ST8SIA6: variants seen among roughly 807,000 people sequenced by gnomAD.
ST8SIA6 encodes the protein ST8 alpha-N-acetyl-neuraminide alpha-2,8-sialyltransferase 6, also known as alpha-2,8-sialyltransferase 8F.
ST8SIA6 carries 39 observed loss-of-function variants against 33.6 expected under a neutral mutation model. The ratio of observed to expected loss-of-function variants is 1.16; its 90% CI spans 0.90 to 1.52. The LOEUF (loss-of-function observed/expected upper bound fraction) is 1.52, where lower values mean the gene tolerates loss of function less well. Ranked by LOEUF, ST8SIA6 falls within the 40% of genes most tolerant of loss-of-function variation. The pLI is 0.00. For missense variants in ST8SIA6, 441 were observed against 443.8 expected (o/e 0.99, Z 0.06); for synonymous variants, 172 against 167.2 (o/e 1.03, Z -0.22).
Position 17,448,628 on chromosome 10 carries a change from G to GTTGT in ST8SIA6, c.200+4930_200+4931insACAA, listed in dbSNP as rs371422004. Among the ~76,000 whole-genome samples the GTTGT allele has an allele frequency of 6.1e-3, 919 of 151,504 alleles. 12 individuals carry two copies. Among genetic ancestry groups the GTTGT allele is most frequent in the African/African-American group, 0.021 (881 of 41,164 alleles). The stretch of plus-strand genomic sequence containing the variant: ...TGTTGTTCTTGTTGTTGTTGTTGTT[G>GTTGT]TTTTTGAGACAGAGTCTCGCTCTGT... On this transcript the variant is annotated intron_variant, in intron 2 of 7. Transcript: ENST00000377602.
Position 17,399,996 on chromosome 10 carries a change from A to C in ST8SIA6, c.201-9376T>G, listed in dbSNP as rs528634116. 2.0e-5 allele frequency among the ~76,000 whole-genome samples: 3 copies of C among 152,224 alleles called. No individual in the cohort carries two copies. In the East Asian group the frequency reaches 5.8e-4, roughly 29 times the overall value. On this transcript the variant is annotated intron_variant, in intron 2 of 7. Transcript: ENST00000377602. The stretch of plus-strand genomic sequence containing the variant: ...ATGTGTGAAAGCTTTTATTTTACTC[A>C]TAATGAGGGAAGCAGTTCAAAGGAG...
chr10:17,417,365 T>C (rs912656328), intron 2 of ST8SIA6, among the ~76,000 whole-genome samples: 3 of 152,096 alleles, frequency 2.0e-5, no homozygotes, highest in African/African-American at 7.2e-5. Flanking sequence ...CCCTCCATGA[T>C]CCATTCTTTC....
At position 17,350,649 on chromosome 10, in the gene ST8SIA6, C is replaced by CTT. The variant is rs200376251; in HGVS notation, c.377+8863_377+8864dup. ...ATTAAGAGCTTCAAATAGACACCACCTTTTTTTTTTTTAGCAACACTTCTA... is the reference window on the plus strand; with the variant it reads ...ATTAAGAGCTTCAAATAGACACCACCTTTTTTTTTTTTTTAGCAACACTTCTA... On this transcript the variant is annotated intron_variant, in intron 4 of 7. Transcript: ENST00000377602. Among the ~76,000 whole-genome samples the CTT allele has an allele frequency of 1.5e-4, 22 of 146,620 alleles. No individual in the cohort carries two copies. The South Asian group carries it at 2.0e-3, about 13-fold the overall frequency.
chr10:17,337,029 G>A (rs1848521858), intron 4 of ST8SIA6, among the ~76,000 whole-genome samples: 1 of 152,166 alleles, frequency 6.6e-6, no homozygotes, highest in Non-Finnish European at 1.5e-5. Flanking sequence ...CCGTGTTGGA[G>A]GAGGGGCCCG....
intron 2 of ST8SIA6, among the ~76,000 whole-genome samples, chr10:17,391,472 C>T (rs902861742): frequency 2.0e-5 from 3 of 151,246 alleles, no homozygotes; most frequent in African/African-American, 4.9e-5. Context: ...GCATGTTAGC[C>T]AGGATGGTCT....
chr10:17,419,046 G>T (rs113438844), intron 2 of ST8SIA6, among the ~76,000 whole-genome samples: 2 of 149,024 alleles, frequency 1.3e-5, no homozygotes, highest in African/African-American at 4.9e-5. Context: ...CCAATCTATG[G>T]TTTCCAAAAT....
chr10:17,371,295 G>C (rs1849723748), intron 3 of ST8SIA6, among the ~76,000 whole-genome samples: 1 of 152,148 alleles, frequency 6.6e-6, no homozygotes, highest in Non-Finnish European at 1.5e-5. Flanking sequence ...AGCTCTGACT[G>C]GGCAGAGATA....
chr10:17,416,115 TCTTA>T (rs1564454192), intron 2 of ST8SIA6, among the ~76,000 whole-genome samples: 1 of 152,056 alleles, frequency 6.6e-6, no homozygotes, highest in Non-Finnish European at 1.5e-5. Flanking sequence ...GCCGCACTTA[TCTTA>T]CTTGATCTTT....
At chr10:17,347,795 C>T (rs977376441) in intron 4 of ST8SIA6, among the ~76,000 whole-genome samples, 2 of 151,718 alleles carry the variant, frequency 1.3e-5, no homozygotes, top group South Asian at 2.1e-4. Context: ...ATTAGCCGGG[C>T]GTGGTGGCAC....
chr10:17,364,327 G>T (rs1849491451), intron 3 of ST8SIA6, among the ~76,000 whole-genome samples: 1 of 152,142 alleles, frequency 6.6e-6, no homozygotes. Context: ...TTACTGGTAG[G>T]TTAGCTGAAT....
chr10:17,440,480 A>C (rs1852441859), intron 2 of ST8SIA6, among the ~76,000 whole-genome samples: 1 of 152,158 alleles, frequency 6.6e-6, no homozygotes, highest in Non-Finnish European at 1.5e-5. Context: ...TGCTGGGATT[A>C]CAGGTGTGAG....
At chr10:17,371,129 A>G (rs1263333707) in intron 3 of ST8SIA6, among the ~76,000 whole-genome samples, 2 of 152,220 alleles carry the variant, frequency 1.3e-5, no homozygotes, top group Non-Finnish European at 2.9e-5. Context: ...AGAGGAATCA[A>G]GGATAACTTC....
chr10:17,320,613 C>G lies in ST8SIA6; in HGVS notation c.*265G>C, dbSNP rs138876159. 4.3e-4 allele frequency: 187 copies of G among 439,804 alleles called. No individual in the cohort carries two copies. The East Asian group carries it at 6.3e-3, about 15-fold the overall frequency. 27.2% of individuals were successfully genotyped at this position (439,804 alleles called of 1,614,324 possible). A position where few individuals can be genotyped will look rare whatever the true frequency, so the allele number is the denominator to read the frequency against. On this transcript the variant is annotated 3_prime_UTR_variant, in exon 8 of 8. Coordinates refer to ENST00000377602, the MANE Select transcript of ST8SIA6 (RefSeq NM_001004470.3). ...AGAAATATTCTTTGAGTCCCTACCTCACACCAAAGGCCATGCCAATAATTT... is the reference window on the plus strand; with the variant it reads ...AGAAATATTCTTTGAGTCCCTACCTGACACCAAAGGCCATGCCAATAATTT...
chr10:17,424,619 G>T (rs185163865), intron 2 of ST8SIA6, among the ~76,000 whole-genome samples: 1 of 152,158 alleles, frequency 6.6e-6, no homozygotes, highest in African/African-American at 2.4e-5. Context: ...TCTAATATGA[G>T]ATTTCTTCTC....
intron 3 of ST8SIA6, among the ~76,000 whole-genome samples, chr10:17,389,271 A>G (rs747619077): frequency 2.0e-5 from 3 of 152,224 alleles, no homozygotes; most frequent in Non-Finnish European, 2.9e-5. Context: ...CTCTGCGTGA[A>G]TTACTCTTTC....
chr10:17,364,822 T>G (rs1849506396), intron 3 of ST8SIA6, among the ~76,000 whole-genome samples: 1 of 152,210 alleles, frequency 6.6e-6, no homozygotes, highest in Admixed American at 6.5e-5. Context: ...CACACTTACA[T>G]ATATAATTGA....
At chr10:17,343,334 G>A (rs1441228354) in intron 4 of ST8SIA6, among the ~76,000 whole-genome samples, 1 of 152,176 alleles carries the variant, frequency 6.6e-6, no homozygotes, top group African/African-American at 2.4e-5. Context: ...TCAATAGACG[G>A]TTGTGCAAGC....
chr10:17,377,659 A>C (rs994331633), intron 3 of ST8SIA6, among the ~76,000 whole-genome samples: 2 of 152,194 alleles, frequency 1.3e-5, no homozygotes, highest in Admixed American at 6.5e-5. Flanking sequence ...TATTCAAAAA[A>C]TATAGTTAAG....
Position 17,382,791 on chromosome 10 carries a change from G to A in ST8SIA6, c.290+7740C>T, listed in dbSNP as rs547299724. 3.3e-5 allele frequency among the ~76,000 whole-genome samples: 5 copies of A among 152,308 alleles called. No homozygotes were observed. The East Asian group carries it at 5.8e-4, about 18-fold the overall frequency. ...AAGGCCCAGGGACTACTGTGAAAGA[G>A]GTGGGCCCATAAGATCGTAAGGGCC... On this transcript the variant is annotated intron_variant, in intron 3 of 7. Transcript: ENST00000377602.
Sources: allele counts gnomAD v4.1 joint callset (sites outside exome capture counted in the v4.1 genomes callset), GRCh38; gene constraint gnomAD v4.1.1; transcripts MANE v1.5; gene names NCBI Gene and HGNC (gene_info 2026-07-23, HGNC 2026-07-21).